Variants in CDH7 observed in about 807,000 individuals in gnomAD.
CDH7 encodes cadherin 7, also known as cadherin-7.
In CDH7, 25 loss-of-function variants were observed where a neutral mutation model predicts 71.8. The ratio of observed to expected loss-of-function variants is 0.35; its 90% CI spans 0.25 to 0.49. The LOEUF is 0.49. Among genes scored for constraint, CDH7 ranks in the 20% least tolerant of loss-of-function variants. The probability of loss-of-function intolerance (pLI) is 0.99; values close to 1 mark genes in which losing one functional copy is unlikely to be tolerated. For missense variants in CDH7, 862 were observed against 974.6 expected, an observed-to-expected ratio of 0.88 and a Z score of 1.54; for synonymous variants, 381 against 363.8, an observed-to-expected ratio of 1.05 and a Z score of -0.54.
intron 2 of CDH7, among the ~76,000 whole-genome samples, chr18:65,801,075 T>C (rs1359959297): frequency 6.6e-6 from 1 of 152,234 alleles, no homozygotes; most frequent in African/African-American, 2.4e-5. Context: ...CTTTCTACAC[T>C]GATAGCATAC....
At chr18:65,845,043 C>T (rs906748595) in intron 7 of CDH7, among the ~76,000 whole-genome samples, 3 of 151,752 alleles carry the variant, frequency 2.0e-5, no homozygotes, top group Admixed American at 6.6e-5. Context: ...TAAGTCTGGA[C>T]GTTGGCTCTA....
At chr18:65,855,168 C>T (rs1599053914) in intron 7 of CDH7, among the ~76,000 whole-genome samples, 1 of 151,944 alleles carries the variant, frequency 6.6e-6, no homozygotes, top group African/African-American at 2.4e-5. Context: ...GTCCCCTGTC[C>T]TGGAGTAATA....
intron 6 of CDH7, among the ~76,000 whole-genome samples, chr18:65,841,918 AT>A (rs1912747829): frequency 6.6e-6 from 1 of 152,160 alleles, no homozygotes; most frequent in African/African-American, 2.4e-5. Flanking sequence ...CCTCATAAAA[AT>A]ATTACTGAGT....
chr18:65,813,902 T>G (rs1396775952), intron 3 of CDH7, among the ~76,000 whole-genome samples: 1 of 152,206 alleles, frequency 6.6e-6, no homozygotes, highest in African/African-American at 2.4e-5. Context: ...TAAATTTTCA[T>G]TTCCTGTTTT....
intron 2 of CDH7, among the ~76,000 whole-genome samples, chr18:65,792,100 A>C (rs1325879133): frequency 6.6e-6 from 1 of 150,996 alleles, no homozygotes; most frequent in African/African-American, 2.4e-5. Flanking sequence ...AGTGCCCCTG[A>C]GGCTGATATT....
In CDH7 at chr18:65,864,479, A is replaced by G. The variant is rs184102812; in HGVS notation, c.1864+1562A>G. 3.2e-3 allele frequency among the ~76,000 whole-genome samples: 480 copies of G among 151,676 alleles called. 8 individuals are homozygous for G. The highest frequency in any genetic ancestry group is 0.011 in the African/African-American group (457 of 41,406). ...GCCTAAGACAAGTATTCTTCTTCCA[A>G]TGTGGTGCAGGGAGGCCAAAAAATT... On this transcript the variant is annotated intron_variant, in intron 11 of 11. Transcript: ENST00000397968.
chr18:65,837,119 A>C (rs949208504), intron 6 of CDH7, among the ~76,000 whole-genome samples: 1 of 152,296 alleles, frequency 6.6e-6, no homozygotes, highest in South Asian at 2.1e-4. Context: ...AGAAAATATA[A>C]TTTCTTGCTA....
chr18:65,791,364 C>A (rs996507581), intron 2 of CDH7, among the ~76,000 whole-genome samples: 1 of 152,132 alleles, frequency 6.6e-6, no homozygotes, highest in Non-Finnish European at 1.5e-5. Flanking sequence ...AATCCAGTAG[C>A]GCTAACATAA....
chr18:65,824,917 G>A (rs1912073711), intron 6 of CDH7, 86 bp downstream of exon 6: 2 of 808,876 alleles, frequency 2.5e-6, no homozygotes, highest in Non-Finnish European at 3.8e-6. Context: ...CAAACCGAAT[G>A]GCCATATGGG....
intron 6 of CDH7, among the ~76,000 whole-genome samples, chr18:65,833,548 G>A (rs887493894): frequency 2.0e-5 from 3 of 152,018 alleles, no homozygotes; most frequent in Non-Finnish European, 2.9e-5. Flanking sequence ...TTTAAGGGCC[G>A]AGATAATTTG....
chr18:65,800,034 C>A (rs1911063540), intron 2 of CDH7, among the ~76,000 whole-genome samples: 2 of 152,036 alleles, frequency 1.3e-5, no homozygotes, highest in Non-Finnish European at 1.5e-5. Flanking sequence ...TAAAACAAAT[C>A]AAAACAGATT....
In CDH7 at chr18:65,837,783, G is replaced by A. The variant is rs539787367; in HGVS notation, c.982-6029G>A. Among the ~76,000 whole-genome samples the A allele has an allele frequency of 2.0e-5, 3 of 151,408 alleles. No homozygotes were observed. The South Asian group carries it at 6.2e-4, about 31-fold the overall frequency. ...ACAGAATGCAGTTGTTCATAATAAAGGGGATGTATTTTGCTTTGGAAAGTT... is the reference window on the plus strand; with the variant it reads ...ACAGAATGCAGTTGTTCATAATAAAAGGGATGTATTTTGCTTTGGAAAGTT... On this transcript the variant is annotated intron_variant, in intron 6 of 11. Coordinates refer to ENST00000397968, the MANE Select transcript of CDH7 (RefSeq NM_004361.5).
chr18:65,876,445 TGG>T (rs1200210665), intron 11 of CDH7, among the ~76,000 whole-genome samples: 1 of 152,194 alleles, frequency 6.6e-6, no homozygotes, highest in East Asian at 1.9e-4. Flanking sequence ...TGTTTGTTCT[TGG>T]ACCTGTAGGG....
intron 3 of CDH7, among the ~76,000 whole-genome samples, chr18:65,812,315 G>A (rs978201863): frequency 6.6e-6 from 1 of 151,936 alleles, no homozygotes; most frequent in African/African-American, 2.4e-5. Context: ...TGATTCAAAT[G>A]GGTTTGGAAT....
intron 1 of CDH7, among the ~76,000 whole-genome samples, chr18:65,760,406 G>A (rs1357179447): frequency 6.6e-6 from 1 of 152,128 alleles, no homozygotes; most frequent in Non-Finnish European, 1.5e-5. Flanking sequence ...CTCAAGTATT[G>A]AATTCCAAAA....
At chr18:65,820,847 T>C (rs1568203154) in intron 4 of CDH7, among the ~76,000 whole-genome samples, 1 of 152,146 alleles carries the variant, frequency 6.6e-6, no homozygotes, top group Admixed American at 6.5e-5. Flanking sequence ...AGTGTTTCCT[T>C]TACTGATTAG....
intron 2 of CDH7, among the ~76,000 whole-genome samples, chr18:65,794,098 CTT>C: frequency 6.6e-6 from 1 of 152,026 alleles, no homozygotes; most frequent in South Asian, 2.1e-4. Context: ...TAAGATGCAT[CTT>C]TTTCCACATT....
intron 7 of CDH7, among the ~76,000 whole-genome samples, chr18:65,851,478 G>A (rs1913148636): frequency 6.6e-6 from 1 of 152,078 alleles, no homozygotes; most frequent in Non-Finnish European, 1.5e-5. Flanking sequence ...TAAATTAATA[G>A]CTGGTGATAA....
chr18:65,844,174 G>GATATAT lies in CDH7; in HGVS notation c.1235+118_1235+123dup, dbSNP rs1555688432. On this transcript the variant is annotated intron_variant, in intron 7 of 11. Coordinates refer to ENST00000397968, the MANE Select transcript of CDH7 (RefSeq NM_004361.5). ...CTTTGTTCATAACAAATAAAAACCA[G>GATATAT]ATATATATATATATCGAGTTATAAC... 103 of 227,998 alleles carry GATATAT rather than the reference G, an allele frequency of 4.5e-4. 12 individuals carry two copies. Among genetic ancestry groups the GATATAT allele is most frequent in the Middle Eastern group, 1.2e-3 (1 of 812 alleles). The allele number at this position is 227,998 out of a possible 1,614,324, so 14.1% of individuals were successfully genotyped here. A position where few individuals can be genotyped will look rare whatever the true frequency, so the allele number is the denominator to read the frequency against.
Sources: gnomAD v4.1 joint callset for allele counts (sites outside exome capture counted in the v4.1 genomes callset) on GRCh38, gnomAD v4.1.1 for gene constraint, MANE v1.5 for transcripts, NCBI Gene and HGNC (gene_info 2026-07-23, HGNC 2026-07-21) for gene names.